PRICKLE1: variants seen among roughly 807,000 people sequenced by gnomAD.
PRICKLE1 encodes the protein prickle-like protein 1.
Under a neutral mutation model 70.2 loss-of-function variants are expected in PRICKLE1, and 14 were observed. The ratio of observed to expected loss-of-function variants is 0.20; its 90% CI spans 0.13 to 0.31. The LOEUF (loss-of-function observed/expected upper bound fraction) is 0.31, where lower values mean the gene tolerates loss of function less well. PRICKLE1 is among the 10% of genes least tolerant of loss of function. PRICKLE1 has a pLI of 1.00. For missense variants in PRICKLE1, 821 were observed against 1,026.2 expected, an observed-to-expected ratio of 0.80 and a Z score of 2.73; for synonymous variants, 357 against 379.9, an observed-to-expected ratio of 0.94 and a Z score of 0.70.
intron 1 of PRICKLE1, among the ~76,000 whole-genome samples, chr12:42,516,422 G>A (rs1051358256): frequency 1.1e-4 from 17 of 152,140 alleles, no homozygotes; most frequent in African/African-American, 3.6e-4. Flanking sequence ...GTGAGCCACC[G>A]TGCCTGGCTT....
chr12:42,507,945 T>C (rs1431368136), intron 1 of PRICKLE1, among the ~76,000 whole-genome samples: 1 of 152,232 alleles, frequency 6.6e-6, no homozygotes, highest in Non-Finnish European at 1.5e-5. Context: ...TTTATCAGGA[T>C]ATAAAATGCA....
chr12:42,541,424 T>C (rs1940113241), intron 1 of PRICKLE1, among the ~76,000 whole-genome samples: 1 of 151,768 alleles, frequency 6.6e-6, no homozygotes, highest in Non-Finnish European at 1.5e-5. Flanking sequence ...CACTGCAGCC[T>C]CGACCTCCTG....
intron 1 of PRICKLE1, among the ~76,000 whole-genome samples, chr12:42,486,673 T>C (rs997147262): frequency 2.6e-5 from 4 of 152,226 alleles, no homozygotes; most frequent in African/African-American, 4.8e-5. Flanking sequence ...ATGTTGTGTA[T>C]ATAGTGACCC....
chr12:42,494,773 C>T (rs1389392861), intron 1 of PRICKLE1, among the ~76,000 whole-genome samples: 5 of 148,720 alleles, frequency 3.4e-5, no homozygotes, highest in African/African-American at 1.2e-4. Flanking sequence ...TGCCACTGCA[C>T]TCCAGCCTGG....
chr12:42,558,536 C>T (rs1439622228), intron 1 of PRICKLE1, among the ~76,000 whole-genome samples: 3 of 152,226 alleles, frequency 2.0e-5, no homozygotes, highest in African/African-American at 7.2e-5. Flanking sequence ...CAGTGAAGGT[C>T]TCCAACAGGA....
intron 1 of PRICKLE1, among the ~76,000 whole-genome samples, chr12:42,491,848 T>A (rs941940974): frequency 1.4e-5 from 2 of 144,340 alleles, no homozygotes; most frequent in African/African-American, 2.7e-5. Context: ...AATGGCATGA[T>A]CTTGGCTCAC....
At chr12:42,506,951 G>A (rs1334644619) in intron 1 of PRICKLE1, among the ~76,000 whole-genome samples, 1 of 152,108 alleles carries the variant, frequency 6.6e-6, no homozygotes, top group East Asian at 1.9e-4. Context: ...AATGTTTGTA[G>A]GAGGGGTTAG....
intron 1 of PRICKLE1, among the ~76,000 whole-genome samples, chr12:42,486,827 A>G (rs992014567): frequency 6.6e-6 from 1 of 152,242 alleles, no homozygotes; most frequent in African/African-American, 2.4e-5. Context: ...TCTAGGAAGA[A>G]TGTATTTAAA....
chr12:42,538,722 A>C (rs1174138123), intron 1 of PRICKLE1, among the ~76,000 whole-genome samples: 2 of 152,188 alleles, frequency 1.3e-5, no homozygotes, highest in African/African-American at 2.4e-5. Flanking sequence ...AAGACACAGA[A>C]CCACATATTA....
At chr12:42,553,567 A>G (rs1417650506) in intron 1 of PRICKLE1, among the ~76,000 whole-genome samples, 4 of 151,870 alleles carry the variant, frequency 2.6e-5, no homozygotes, top group Admixed American at 2.0e-4. Context: ...CTCCTATTCC[A>G]TCATTGCCCA....
At position 42,459,834 on chromosome 12, in the gene PRICKLE1, T is replaced by C. The variant is rs1025491656; in HGVS notation, c.2471A>G (p.Lys824Arg). Reference sequence around the variant, plus strand: ...TTAAGAAATAATACAATTTTTGCCCTTGTGTCCCTTTTTCTTCTTGGATTT... The same window carrying C: ...TTAAGAAATAATACAATTTTTGCCCCTGTGTCCCTTTTTCTTCTTGGATTT... Reference protein sequence around the residue: ...TTKSKKKKGHKGKNCIIS With the variant: ...TTKSKKKKGHRGKNCIIS The change falls in exon 8 of 8, where the codon AAG becomes AGG. Residue 824 changes from lysine (K) to arginine (R), a missense_variant. Lys to Arg is a conservative substitution (Grantham distance 26). Transcript: ENST00000345127. 6.2e-7 allele frequency: 1 copy of C among 1,614,074 alleles called. No individual in the cohort carries two copies. Among genetic ancestry groups the C allele is most frequent in the Non-Finnish European group, 8.5e-7 (1 of 1,180,036 alleles).
At chr12:42,530,033 C>A (rs1335623136) in intron 1 of PRICKLE1, among the ~76,000 whole-genome samples, 1 of 151,584 alleles carries the variant, frequency 6.6e-6, no homozygotes, top group African/African-American at 2.4e-5. Flanking sequence ...GCAACCTCCA[C>A]CCCAGGTTCA....
chr12:42,516,600 TTC>T (rs1385133750), intron 1 of PRICKLE1, among the ~76,000 whole-genome samples: 1 of 152,132 alleles, frequency 6.6e-6, no homozygotes, highest in Non-Finnish European at 1.5e-5. Flanking sequence ...TTATCTTTGT[TTC>T]TCTCTCTCTG....
intron 7 of PRICKLE1, 108 bp from the exon 8 acceptor site, chr12:42,460,773 A>G: frequency 7.5e-7 from 1 of 1,330,844 alleles, no homozygotes; most frequent in African/African-American, 1.4e-5. Flanking sequence ...TTCCAATCTC[A>G]ATATTTGATT....
At chr12:42,498,176 CTTTTT>C (rs59478495) in intron 1 of PRICKLE1, among the ~76,000 whole-genome samples, 1 of 137,828 alleles carries the variant, frequency 7.3e-6, no homozygotes. Context: ...TTCTCTCTCT[CTTTTT>C]TTTTTTTTGG....
rs142572130 is a variant in PRICKLE1, at chr12:42,499,952, T to G, written c.-48-27388A>C. Among the ~76,000 whole-genome samples, 14 of 152,174 alleles carry G rather than the reference T, an allele frequency of 9.2e-5. No individual in the cohort carries two copies. In the East Asian group the frequency reaches 2.7e-3, roughly 29 times the overall value. On this transcript the variant is annotated intron_variant, in intron 1 of 7. Transcript: ENST00000345127. ...TTTTAGTAGAGATGAGTTTTCACCA[T>G]GTTGGCCAGGCTGGTCTCGGACTCC...
intron 7 of PRICKLE1, among the ~76,000 whole-genome samples, chr12:42,462,430 A>C (rs543265356): frequency 6.6e-6 from 1 of 152,098 alleles, no homozygotes; most frequent in East Asian, 1.9e-4. Context: ...CGAACTCCTG[A>C]CTTCAGGTGA....
chr12:42,574,993 G>T (rs1268923191), intron 1 of PRICKLE1, among the ~76,000 whole-genome samples: 9 of 150,052 alleles, frequency 6.0e-5, no homozygotes, highest in African/African-American at 2.0e-4. Context: ...AGGCCACTTG[G>T]TGACATTCAG....
At chr12:42,560,103 A>AATT (rs35742688) in intron 1 of PRICKLE1, among the ~76,000 whole-genome samples, 24,646 of 139,422 alleles carry the variant, frequency 0.18, 2,536 homozygotes, top group East Asian at 0.25. Context: ...AATCTCCTTT[A>AATT]ATTATTATTA....
Sources: allele counts gnomAD v4.1 joint callset (sites outside exome capture counted in the v4.1 genomes callset), GRCh38; gene constraint gnomAD v4.1.1; transcripts MANE v1.5; gene names NCBI Gene and HGNC (gene_info 2026-07-23, HGNC 2026-07-21).